The following EDNRB variants were observed in gnomAD, a reference collection of about 807,000 sequenced individuals.
EDNRB encodes the protein Hirschsprung disease 2.
In EDNRB, 18 loss-of-function variants were observed where a neutral mutation model predicts 46.4. The observed-to-expected ratio is 0.39, with a 90% CI of 0.27 to 0.57. The LOEUF is 0.57. Among genes scored for constraint, EDNRB ranks in the 20% least tolerant of loss-of-function variants. The probability of loss-of-function intolerance (pLI) is 0.61; values close to 1 mark genes in which losing one functional copy is unlikely to be tolerated. For missense variants in EDNRB, 434 were observed against 537.5 expected, an observed-to-expected ratio of 0.81 and a Z score of 1.90; for synonymous variants, 213 against 204.9, an observed-to-expected ratio of 1.04 and a Z score of -0.34.
At chr13:77,973,459 T>C (rs141034058) in intron 1 of EDNRB, among the ~76,000 whole-genome samples, 1 of 152,194 alleles carries the variant, frequency 6.6e-6, no homozygotes, top group Non-Finnish European at 1.5e-5. Flanking sequence ...AAACCTGTTA[T>C]GCTTTTATTT....
chr13:77,909,383 C>A (rs571715569), intron 1 of EDNRB, among the ~76,000 whole-genome samples: 23 of 151,974 alleles, frequency 1.5e-4, no homozygotes, highest in Admixed American at 1.5e-3. Flanking sequence ...ATCTCTCTAA[C>A]CAGGGGATTT....
chr13:77,912,899 A>G (rs1879641182), intron 1 of EDNRB, among the ~76,000 whole-genome samples: 1 of 151,664 alleles, frequency 6.6e-6, no homozygotes, highest in African/African-American at 2.4e-5. Context: ...GATAAATTAG[A>G]CTCCTCTCCC....
At chr13:77,963,667 C>G (rs550202056) in intron 1 of EDNRB, among the ~76,000 whole-genome samples, 1 of 152,240 alleles carries the variant, frequency 6.6e-6, no homozygotes, top group African/African-American at 2.4e-5. Flanking sequence ...CATAAAAACC[C>G]TAGAAGAAAT....
intron 1 of EDNRB, among the ~76,000 whole-genome samples, chr13:77,935,839 G>A (rs1302334247): frequency 6.6e-6 from 1 of 152,206 alleles, no homozygotes; most frequent in Non-Finnish European, 1.5e-5. Flanking sequence ...ATGGATTGTG[G>A]AGGGAGGTAT....
chr13:77,973,007 A>G (rs947701508), intron 1 of EDNRB, among the ~76,000 whole-genome samples: 1 of 152,076 alleles, frequency 6.6e-6, no homozygotes, highest in African/African-American at 2.4e-5. Context: ...TTTGATGAGA[A>G]CGTGATCTTC....
chr13:77,959,554 C>G (rs148024183), intron 1 of EDNRB, among the ~76,000 whole-genome samples: 3,607 of 152,274 alleles, frequency 0.024, 138 homozygotes, highest in African/African-American at 0.081. Context: ...TCACCATCAT[C>G]AAAGACCAAA....
intron 1 of EDNRB, among the ~76,000 whole-genome samples, chr13:77,972,450 G>T (rs985171780): frequency 3.3e-5 from 5 of 152,180 alleles, no homozygotes; most frequent in Admixed American, 6.5e-5. Context: ...ATAAAAACCA[G>T]TCGGGGCAGT....
chr13:77,949,966 TC>T (rs1370613244), intron 1 of EDNRB, among the ~76,000 whole-genome samples: 1 of 152,158 alleles, frequency 6.6e-6, no homozygotes, highest in Non-Finnish European at 1.5e-5. Flanking sequence ...CTTTGATAGT[TC>T]TACTCTGGAT....
At chr13:77,970,709 A>C (rs1881704416) in intron 1 of EDNRB, among the ~76,000 whole-genome samples, 1 of 152,106 alleles carries the variant, frequency 6.6e-6, no homozygotes, top group Admixed American at 6.5e-5. Context: ...GGGTCATAAC[A>C]CACATCAGAT....
At chr13:77,956,444 A>G (rs971091802) in intron 1 of EDNRB, among the ~76,000 whole-genome samples, 7 of 152,160 alleles carry the variant, frequency 4.6e-5, no homozygotes, top group Admixed American at 4.6e-4. Flanking sequence ...TACATACAAG[A>G]TCATGTCATC....
At chr13:77,921,992 A>G (rs1462353066), upstream of EDNRB, among the ~76,000 whole-genome samples, 1 of 152,108 alleles carries the variant, frequency 6.6e-6, no homozygotes, top group African/African-American at 2.4e-5. Context: ...GTTATCGATA[A>G]ATTTTATTTA....
intron 1 of EDNRB, among the ~76,000 whole-genome samples, chr13:77,956,994 G>C (rs1159830984): frequency 6.6e-6 from 1 of 152,180 alleles, no homozygotes; most frequent in African/African-American, 2.4e-5. Flanking sequence ...CTGAGGACTA[G>C]GACATGGGCA....
chr13:77,971,216 A>G lies in EDNRB; in HGVS notation c.-52+4131T>C, dbSNP rs531034764. On this transcript the variant is annotated intron_variant, in intron 1 of 7. Transcript: ENST00000646948. ...GGGGTTTAGGGTGTTGTAAACTTCA[A>G]TGGTGATGTTGGGATTTTCACAGAG... Among the ~76,000 whole-genome samples, 8 of 152,318 alleles carry G rather than the reference A, an allele frequency of 5.3e-5. No homozygotes were observed. In the East Asian group the frequency reaches 5.8e-4, roughly 11 times the overall value.
chr13:77,963,751 A>G (rs1270088896), intron 1 of EDNRB, among the ~76,000 whole-genome samples: 1 of 152,240 alleles, frequency 6.6e-6, no homozygotes, highest in East Asian at 1.9e-4. Context: ...AATGGCAACA[A>G]AAGCCAAAGT....
intron 1 of EDNRB, among the ~76,000 whole-genome samples, chr13:77,936,757 C>T (rs1880577960): frequency 6.6e-6 from 1 of 152,188 alleles, no homozygotes; most frequent in African/African-American, 2.4e-5. Flanking sequence ...TTCCTTGGCC[C>T]AGTGGCCAGA....
chr13:77,924,653 C>A (rs567604728), upstream of EDNRB, among the ~76,000 whole-genome samples: 1 of 152,240 alleles, frequency 6.6e-6, no homozygotes, highest in Admixed American at 6.5e-5. Flanking sequence ...TTTCATCTTG[C>A]AAATTTGAAA....
At chr13:77,966,586 T>C (rs1473103554) in intron 1 of EDNRB, among the ~76,000 whole-genome samples, 1 of 151,102 alleles carries the variant, frequency 6.6e-6, no homozygotes, top group Admixed American at 6.6e-5. Flanking sequence ...AATTAAACTC[T>C]TAAGCTATGA....
chr13:77,940,411 G>A (rs1880709628), intron 1 of EDNRB, among the ~76,000 whole-genome samples: 1 of 151,986 alleles, frequency 6.6e-6, no homozygotes, highest in South Asian at 2.1e-4. Flanking sequence ...ATGGAGATAG[G>A]GGATTTCAGA....
At chr13:77,973,609 T>C (rs973811435) in intron 1 of EDNRB, among the ~76,000 whole-genome samples, 1 of 152,142 alleles carries the variant, frequency 6.6e-6, no homozygotes, top group African/African-American at 2.4e-5. Flanking sequence ...AACCTTTTAA[T>C]GTAGGTAAAA....
Sources: allele counts gnomAD v4.1 joint callset (sites outside exome capture counted in the v4.1 genomes callset), GRCh38; gene constraint gnomAD v4.1.1; transcripts MANE v1.5; gene names NCBI Gene and HGNC (gene_info 2026-07-23, HGNC 2026-07-21).